The following CD101 variants were observed in gnomAD, a reference collection of about 807,000 sequenced individuals.
The protein encoded by CD101 is immunoglobulin superfamily member 2.
Under a neutral mutation model 98.2 loss-of-function variants are expected in CD101, and 76 were observed. The ratio of observed to expected loss-of-function variants is 0.77; its 90% CI spans 0.64 to 0.94. The LOEUF (loss-of-function observed/expected upper bound fraction) is 0.94. Among genes scored for constraint, CD101 ranks in the 40% least tolerant of loss-of-function variants. CD101 has a pLI of 0.00. For missense variants in CD101, 1,145 were observed against 1,218.8 expected (o/e 0.94, Z 0.90); for synonymous variants, 471 against 472.7 (o/e 1.00, Z 0.05).
intron 3 of CD101, 23 bp downstream of exon 3, chr1:117,011,989 C>G (rs1652924593): frequency 6.3e-7 from 1 of 1,590,518 alleles, no homozygotes; most frequent in Admixed American, 1.7e-5. Flanking sequence ...CTACGAAATT[C>G]ATTAATACAC....
chr1:117,007,956 C>T (rs1652637797), intron 1 of CD101, among the ~76,000 whole-genome samples: 1 of 152,140 alleles, frequency 6.6e-6, no homozygotes, highest in Non-Finnish European at 1.5e-5. Context: ...TGTAGCTGTG[C>T]ATATTCTTTC....
At chr1:117,035,735 G>A (rs1367651007) in intron 9 of CD101, among the ~76,000 whole-genome samples, 12 of 151,824 alleles carry the variant, frequency 7.9e-5, no homozygotes, top group African/African-American at 2.9e-4. Context: ...TGTATTTTTA[G>A]TAGAGACGGG....
intron 7 of CD101, among the ~76,000 whole-genome samples, chr1:117,024,408 C>T (rs1329627946): frequency 6.6e-6 from 1 of 152,146 alleles, no homozygotes. Flanking sequence ...ACCCGGGAGG[C>T]AGAGGTTGCG....
At chr1:117,020,604 G>C (rs567845153) in intron 6 of CD101, among the ~76,000 whole-genome samples, 1 of 152,302 alleles carries the variant, frequency 6.6e-6, no homozygotes, top group East Asian at 1.9e-4. Context: ...AGTTATTTCA[G>C]CTGCACATTC....
rs1268629043 is a variant in CD101 at position 117,022,641 on chromosome 1, G to A, written c.2428+658G>A. 1.3e-5 allele frequency among the ~76,000 whole-genome samples: 2 copies of A among 152,174 alleles called. No individual in the cohort carries two copies. The highest frequency in any genetic ancestry group is 6.5e-5 in the Admixed American group (1 of 15,278). On this transcript the variant is annotated intron_variant, in intron 7 of 9. Coordinates refer to ENST00000682167, the MANE Select transcript of CD101 (RefSeq NM_001256106.3). This position sits in a 1 kb window ranked among gnomAD's most constrained non-coding sequence, Gnocchi z 4.8. ...AAATTAAATGAATGTCACAGCCAAG[G>A]TTCAGGAACTGGCCAAGATCCTACA...
In CD101 at chr1:117,010,271, G is replaced by A. The variant is rs1197099971; in HGVS notation, c.424+41G>A. The A allele has an allele frequency of 1.3e-6, 2 of 1,570,436 alleles. No homozygotes were observed. Among genetic ancestry groups the A allele is most frequent in the South Asian group, 1.2e-5 (1 of 84,136 alleles). On this transcript the variant is annotated intron_variant, in intron 2 of 9. Coordinates refer to ENST00000682167, the MANE Select transcript of CD101 (RefSeq NM_001256106.3). The surrounding 1 kb of genome is among the most constrained non-coding windows in gnomAD (Gnocchi z 5.2). ...ACTTCTGCTAGCCAGCCCCTGAGAAGCCAGAGTCTCCACCATGACAATATC... is the reference window on the plus strand; with the variant it reads ...ACTTCTGCTAGCCAGCCCCTGAGAAACCAGAGTCTCCACCATGACAATATC...
intron 6 of CD101, among the ~76,000 whole-genome samples, chr1:117,020,116 T>C (rs1653486803): frequency 6.6e-6 from 1 of 152,030 alleles, no homozygotes. Context: ...CTATAAACCC[T>C]TAAGACTCAG....
rs911206030 is a variant in CD101, at chr1:117,021,167, A to G, written c.2018-406A>G. On this transcript the variant is annotated intron_variant, in intron 6 of 9. Transcript: ENST00000682167. This position sits in a 1 kb window ranked among gnomAD's most constrained non-coding sequence, Gnocchi z 4.7. ...GCATTAATAGGGCCACTTTCTCCCA[A>G]TCTGATACATGAAATATGACAGAAG... Among the ~76,000 whole-genome samples, 1 of 152,232 alleles carries G rather than the reference A, an allele frequency of 6.6e-6. No individual in the cohort carries two copies. The highest frequency in any genetic ancestry group is 1.5e-5 in the Non-Finnish European group (1 of 68,042).
In CD101 at chr1:117,029,193, A is replaced by AGG. The variant is rs1557778778; in HGVS notation, c.2824+3289_2824+3290insGG. 1.0e-4 allele frequency among the ~76,000 whole-genome samples: 7 copies of AGG among 69,280 alleles called. 1 individual carries two copies. The highest frequency in any genetic ancestry group is 4.4e-4 in the South Asian group (1 of 2,248). 45.5% of individuals were successfully genotyped at this position (69,280 alleles called of 152,430 possible). A position where few individuals can be genotyped will look rare whatever the true frequency, so the allele number is the denominator to read the frequency against. ...AAAGAAAGAAAGAAAGAAAGAAAGAAAGAAAGAAAGAAAAGAAAGAAAAGA... is the reference window on the plus strand; with the variant it reads ...AAAGAAAGAAAGAAAGAAAGAAAGAAGGAGAAAGAAAGAAAAGAAAGAAAAGA... On this transcript the variant is annotated intron_variant, in intron 8 of 9. Transcript: ENST00000682167.
chr1:117,033,939 C>CCTT lies in CD101; in HGVS notation c.2907_2909dup (p.Leu971dup). 1 of 1,614,200 alleles carries CCTT rather than the reference C, an allele frequency of 6.2e-7. No homozygotes were observed. On this transcript the variant is annotated inframe_insertion, in exon 9 of 10. Coordinates refer to ENST00000682167, the MANE Select transcript of CD101 (RefSeq NM_001256106.3). This position sits in a 1 kb window ranked among gnomAD's most constrained non-coding sequence, Gnocchi z 4.8. ...TCATCTGTCCCTTCGTCCTGCTCCT[C>CCTT]CTTCTGCTCATCTCCCTCCTCTGCT... is the stretch of plus-strand genomic sequence containing the variant.
Position 117,025,882 on chromosome 1 carries a change from G to C in CD101, c.2802G>C (p.Met934Ile). The change falls in exon 8 of 10, where the codon ATG (methionine) becomes ATC (isoleucine). Residue 934 changes from methionine (M) to isoleucine (I), a missense_variant. Physicochemically the swap from Met to Ile is conservative, Grantham distance 10. Transcript: ENST00000682167. ...AAGCATCCGATGAGTCACAGCGGAT[G>C]GTGCTCACGGTGCTGCCTTCAGGTA... ...INQASDESQR[M>I]VLTVLPSEPT... The C allele has an allele frequency of 1.9e-6, 3 of 1,610,444 alleles. No homozygotes were observed. Among genetic ancestry groups the C allele is most frequent in the Non-Finnish European group, 2.5e-6 (3 of 1,177,144 alleles).
rs3754111 is a variant in CD101 at position 117,015,135 on chromosome 1, T to C, written c.1228+1343T>C. On this transcript the variant is annotated intron_variant, in intron 4 of 9. Coordinates refer to ENST00000682167, the MANE Select transcript of CD101 (RefSeq NM_001256106.3). ...GCTGGAGTCTACACTGGGCTTACTA[T>C]GTAGACACAGAAAAAGTTATTAGCA... Among the ~76,000 whole-genome samples, 69 of 152,350 alleles carry C rather than the reference T, an allele frequency of 4.5e-4. 1 individual carries two copies. The East Asian group carries it at 0.013, about 28-fold the overall frequency.
chr1:117,022,057 G>A lies in CD101; in HGVS notation c.2428+74G>A. 1.4e-6 allele frequency: 2 copies of A among 1,475,214 alleles called. No homozygotes were observed. The highest frequency in any genetic ancestry group is 1.3e-5 in the South Asian group (1 of 74,154). The allele number at this position is 1,475,214 out of a possible 1,614,324, so 91.4% of individuals were successfully genotyped here. ...TTTTCTCTTGGGCAGCTGTTCTATG[G>A]AGTGATTATGTGGAAGTAAAAATAT... On this transcript the variant is annotated intron_variant, in intron 7 of 9. Transcript: ENST00000682167. This position sits in a 1 kb window ranked among gnomAD's most constrained non-coding sequence, Gnocchi z 4.8.
chr1:117,016,007 G>T (rs1653183775), intron 4 of CD101, among the ~76,000 whole-genome samples: 1 of 152,016 alleles, frequency 6.6e-6, no homozygotes, highest in Non-Finnish European at 1.5e-5. Context: ...CATGTTTGTT[G>T]AATAAATGCG....
Position 117,010,924 on chromosome 1 carries a change from T to A in CD101, c.425-626T>A, listed in dbSNP as rs2101119089. Reference sequence around the variant, plus strand: ...GCCTCTTTCCCACCACATCCTCAGCTTCTACTCAGTGGCTAGCACCGAGTA... The same window carrying A: ...GCCTCTTTCCCACCACATCCTCAGCATCTACTCAGTGGCTAGCACCGAGTA... On this transcript the variant is annotated intron_variant, in intron 2 of 9. Transcript: ENST00000682167. The surrounding 1 kb of genome is among the most constrained non-coding windows in gnomAD (Gnocchi z 5.2). Among the ~76,000 whole-genome samples the A allele has an allele frequency of 6.6e-6, 1 of 152,312 alleles. No individual in the cohort carries two copies. Among genetic ancestry groups the A allele is most frequent in the Admixed American group, 6.5e-5 (1 of 15,306 alleles).
chr1:117,026,048 AC>A, intron 8 of CD101, 144 bp downstream of exon 8: 2 of 836,646 alleles, frequency 2.4e-6, no homozygotes, highest in African/African-American at 1.7e-5. Context: ...AAAGAAGATG[AC>A]TTTGCTGTCT....
rs1652472773 is a variant in CD101 at position 117,005,420 on chromosome 1, T to A, written c.43+3560T>A. ...TCTATTGAAATCCCTTTTACAAAGA[T>A]CTTCATGGACATCCTCCTCATCGAG... On this transcript the variant is annotated intron_variant, in intron 1 of 9. Coordinates refer to ENST00000682167, the MANE Select transcript of CD101 (RefSeq NM_001256106.3). The surrounding 1 kb of genome is among the most constrained non-coding windows in gnomAD (Gnocchi z 4.4). Among the ~76,000 whole-genome samples the A allele has an allele frequency of 6.6e-6, 1 of 152,178 alleles. No homozygotes were observed. Among genetic ancestry groups the A allele is most frequent in the Non-Finnish European group, 1.5e-5 (1 of 68,030 alleles).
At position 117,009,910 on chromosome 1, in the gene CD101, A is replaced by C; in HGVS notation, c.104A>C (p.Glu35Ala). The change falls in exon 2 of 10, where the codon GAA becomes GCA. Residue 35 changes from glutamate (E) to alanine (A), a missense_variant. Coordinates refer to ENST00000682167, the MANE Select transcript of CD101 (RefSeq NM_001256106.3). ...CAGAAAGGACCACTGTTTAGAGCTG[A>C]AGGTTACCCAGTCAGCATTGGCTGC... ...TVQKGPLFRA[E>A]GYPVSIGCNV... The C allele has an allele frequency of 6.2e-7, 1 of 1,613,998 alleles. No individual in the cohort carries two copies.
chr1:117,016,919 C>G (rs188006832), intron 4 of CD101, among the ~76,000 whole-genome samples, 171 bp from the exon 5 acceptor site: 1 of 152,298 alleles, frequency 6.6e-6, no homozygotes, highest in African/African-American at 2.4e-5. Context: ...TATCTTGTTT[C>G]CACTATTTAA....
Sources: allele counts gnomAD v4.1 joint callset (sites outside exome capture counted in the v4.1 genomes callset), GRCh38; gene constraint gnomAD v4.1.1; non-coding constraint Gnocchi (gnomAD v3.1); transcripts MANE v1.5; gene names NCBI Gene and HGNC (gene_info 2026-07-23, HGNC 2026-07-21).